Variants in NCALD observed in about 807,000 individuals in gnomAD.
The protein encoded by NCALD is neurocalcin delta.
In NCALD, 10 loss-of-function variants were observed where a neutral mutation model predicts 18.6. The observed-to-expected ratio is 0.54, with a 90% CI of 0.33 to 0.91. NCALD has a LOEUF of 0.91. NCALD is among the 40% of genes least tolerant of loss of function. The pLI, the probability that NCALD is intolerant of heterozygous loss-of-function variation, is 0.03. For missense variants in NCALD, 184 were observed against 247.6 expected, an observed-to-expected ratio of 0.74 and a Z score of 1.72; for synonymous variants, 88 against 87.4, an observed-to-expected ratio of 1.01 and a Z score of -0.04.
intron 2 of NCALD, among the ~76,000 whole-genome samples, chr8:101,934,563 C>T (rs73290564): frequency 6.6e-6 from 1 of 152,120 alleles, no homozygotes; most frequent in African/African-American, 2.4e-5. Context: ...ATCATGGAAT[C>T]TAAGAGTCGG....
chr8:101,929,441 A>G (rs569567531), intron 2 of NCALD, among the ~76,000 whole-genome samples: 5 of 23,292 alleles, frequency 2.1e-4, no homozygotes, highest in East Asian at 1.3e-3. Flanking sequence ...AAGGAAGGAA[A>G]GGAGGGAGGG....
chr8:102,084,878 C>T (rs188926562), intron 1 of NCALD, among the ~76,000 whole-genome samples: 54 of 152,292 alleles, frequency 3.5e-4, no homozygotes, highest in African/African-American at 1.3e-3. Context: ...ACTCCCTGAC[C>T]ATCACCTGAT....
chr8:102,015,504 CCA>C (rs1344990830), intron 2 of NCALD, among the ~76,000 whole-genome samples: 1 of 152,104 alleles, frequency 6.6e-6, no homozygotes, highest in African/African-American at 2.4e-5. Context: ...GTATTTACAA[CCA>C]AAATTTTCCT....
intron 1 of NCALD, among the ~76,000 whole-genome samples, chr8:101,726,000 A>G (rs1251218434): frequency 6.6e-6 from 1 of 152,152 alleles, no homozygotes; most frequent in Non-Finnish European, 1.5e-5. Flanking sequence ...AGACCAGAGG[A>G]AGTGAGGCAG....
intron 2 of NCALD, among the ~76,000 whole-genome samples, chr8:101,930,531 C>T (rs1218379419): frequency 6.6e-6 from 1 of 151,958 alleles, no homozygotes; most frequent in African/African-American, 2.4e-5. Context: ...GCACTTTTCC[C>T]TCCTCCAGCT....
At chr8:101,872,645 G>A (rs1816067431) in intron 4 of NCALD, 8 of 432,834 alleles carry the variant, frequency 1.8e-5, no homozygotes, top group South Asian at 1.6e-4. Context: ...GCAGATATGT[G>A]GGCCTAAGTC....
chr8:101,695,441 G>A (rs1280271605), intron 2 of NCALD, among the ~76,000 whole-genome samples: 1 of 152,096 alleles, frequency 6.6e-6, no homozygotes, highest in African/African-American at 2.4e-5. Context: ...GTGTCTCCCA[G>A]CTCAGATGCT....
chr8:101,780,318 A>G (rs1811959466), intron 1 of NCALD, among the ~76,000 whole-genome samples: 1 of 152,134 alleles, frequency 6.6e-6, no homozygotes, highest in Non-Finnish European at 1.5e-5. Flanking sequence ...CCTTTCCTTT[A>G]ACATCAAGAA....
intron 4 of NCALD, among the ~76,000 whole-genome samples, chr8:101,803,583 T>C (rs949849694): frequency 6.6e-6 from 1 of 152,182 alleles, no homozygotes; most frequent in Non-Finnish European, 1.5e-5. Context: ...GCAAAGTAAA[T>C]TGAAAACCTT....
chr8:101,690,315 T>C (rs900212575), intron 3 of NCALD: 3 of 984,380 alleles, frequency 3.0e-6, no homozygotes, highest in Admixed American at 6.1e-5. Context: ...ACATGCTCGA[T>C]TGGTAAATTT....
chr8:101,751,332 G>C lies in NCALD; in HGVS notation c.-19-31684C>G, dbSNP rs146082361. On this transcript the variant is annotated intron_variant, in intron 1 of 3. Transcript: ENST00000220931. ...AGTAGAACACAGGTTACCAGGGACT[G>C]GGATGTCGGGGCGTGGGGAAGGAGA... Among the ~76,000 whole-genome samples the C allele has an allele frequency of 2.0e-3, 300 of 152,240 alleles. 4 individuals carry two copies. Among genetic ancestry groups the C allele is most frequent in the African/African-American group, 6.9e-3 (286 of 41,528 alleles).
At chr8:101,751,904 C>G (rs1479872011) in intron 1 of NCALD, among the ~76,000 whole-genome samples, 2 of 152,098 alleles carry the variant, frequency 1.3e-5, no homozygotes, top group African/African-American at 2.4e-5. Flanking sequence ...GGTTTATGAC[C>G]ACGAATATTA....
intron 2 of NCALD, among the ~76,000 whole-genome samples, chr8:101,980,173 T>C (rs1475389274): frequency 6.6e-6 from 1 of 152,142 alleles, no homozygotes; most frequent in Non-Finnish European, 1.5e-5. Flanking sequence ...GGCCTTGCTC[T>C]CTCACCAAAG....
At chr8:102,003,492 T>A (rs1037736976) in intron 2 of NCALD, among the ~76,000 whole-genome samples, 1 of 152,044 alleles carries the variant, frequency 6.6e-6, no homozygotes, top group Admixed American at 6.6e-5. Flanking sequence ...ACTATTCCAA[T>A]CAATAGAAAA....
intron 1 of NCALD, among the ~76,000 whole-genome samples, chr8:102,064,522 G>GTTCT (rs1554589234): frequency 6.6e-6 from 1 of 152,092 alleles, no homozygotes; most frequent in Non-Finnish European, 1.5e-5. Flanking sequence ...CAGTTCTTTC[G>GTTCT]TTCTTTGTAT....
chr8:102,117,611 C>G (rs1176732390), intron 1 of NCALD, among the ~76,000 whole-genome samples: 1 of 135,846 alleles, frequency 7.4e-6, no homozygotes, highest in Non-Finnish European at 1.5e-5. Context: ...GCACTTTCAA[C>G]TCAAAAAAAA....
chr8:101,975,129 G>A (rs1220084049), intron 2 of NCALD: 1 of 152,144 alleles, frequency 6.6e-6, no homozygotes, highest in African/African-American at 2.4e-5. Flanking sequence ...TTGGCTCTAA[G>A]GGGATCAAAT....
chr8:101,744,442 A>C (rs1437852345), intron 1 of NCALD, among the ~76,000 whole-genome samples: 1 of 152,256 alleles, frequency 6.6e-6, no homozygotes, highest in Non-Finnish European at 1.5e-5. Flanking sequence ...TCATAGTCAA[A>C]GAAACAGTTC....
At chr8:102,004,736 A>G (rs945536599) in intron 2 of NCALD, among the ~76,000 whole-genome samples, 3 of 152,114 alleles carry the variant, frequency 2.0e-5, no homozygotes, top group African/African-American at 7.3e-5. Context: ...CATATCTACA[A>G]CTATCTGATC....
Sources: gnomAD v4.1 joint callset for allele counts (sites outside exome capture counted in the v4.1 genomes callset) on GRCh38, gnomAD v4.1.1 for gene constraint, MANE v1.5 for transcripts, NCBI Gene and HGNC (gene_info 2026-07-23, HGNC 2026-07-21) for gene names.